The following GRM7 variants were observed in gnomAD, a reference collection of about 807,000 sequenced individuals.
The protein encoded by GRM7 is glutamate metabotropic receptor 7.
In GRM7, 35 loss-of-function variants were observed where a neutral mutation model predicts 84.5. The observed-to-expected ratio is 0.41, with a 90% CI of 0.32 to 0.55. The LOEUF is 0.55. Among genes scored for constraint, GRM7 ranks in the 20% least tolerant of loss-of-function variants. The pLI, the probability that GRM7 is intolerant of heterozygous loss-of-function variation, is 0.19. For synonymous variants in GRM7, 487 were observed against 455.1 expected, an observed-to-expected ratio of 1.07 and a Z score of -0.89; for missense variants, 1,003 against 1,194.6, an observed-to-expected ratio of 0.84 and a Z score of 2.36.
intron 1 of GRM7, among the ~76,000 whole-genome samples, chr3:6,972,132 T>C (rs145492625): frequency 3.3e-5 from 5 of 152,290 alleles, no homozygotes; most frequent in African/African-American, 1.2e-4. Flanking sequence ...AGGGGATTTG[T>C]AGTGTCAGCA....
At chr3:7,141,085 A>C (rs1181200992) in intron 1 of GRM7, among the ~76,000 whole-genome samples, 1 of 152,092 alleles carries the variant, frequency 6.6e-6, no homozygotes, top group Admixed American at 6.6e-5. Flanking sequence ...CTCACTGTTC[A>C]GAAATAACAA....
chr3:7,483,890 A>G (rs1699225125), intron 7 of GRM7, among the ~76,000 whole-genome samples: 2 of 152,152 alleles, frequency 1.3e-5, no homozygotes, highest in Non-Finnish European at 2.9e-5. Context: ...TGTCAACTAA[A>G]GAGAAAACAC....
chr3:7,446,981 G>T (rs1267739705), intron 5 of GRM7, among the ~76,000 whole-genome samples: 1 of 141,494 alleles, frequency 7.1e-6, no homozygotes, highest in Non-Finnish European at 1.6e-5. Context: ...TTATTCTTGT[G>T]TAATGCAACT....
chr3:7,182,769 C>T (rs1280819058), intron 2 of GRM7, among the ~76,000 whole-genome samples: 1 of 152,032 alleles, frequency 6.6e-6, no homozygotes, highest in Non-Finnish European at 1.5e-5. Flanking sequence ...GGAAATCTTT[C>T]TTTGATGATT....
At chr3:7,101,049 G>A (rs1193842886) in intron 1 of GRM7, among the ~76,000 whole-genome samples, 1 of 151,708 alleles carries the variant, frequency 6.6e-6, no homozygotes, top group Non-Finnish European at 1.5e-5. Context: ...TGTGAATAAA[G>A]CCATTGTGAA....
intron 2 of GRM7, among the ~76,000 whole-genome samples, chr3:7,201,756 G>A (rs2125114258): frequency 6.7e-6 from 1 of 148,426 alleles, no homozygotes; most frequent in African/African-American, 2.6e-5. Flanking sequence ...TAATATCACA[G>A]CCAGAATTTT....
chr3:6,888,154 G>A, intron 1 of GRM7, among the ~76,000 whole-genome samples: 1 of 151,926 alleles, frequency 6.6e-6, no homozygotes. Context: ...TGAGTAGGTT[G>A]CGAAAATTTT....
At chr3:7,171,534 A>G (rs1189040723) in intron 2 of GRM7, among the ~76,000 whole-genome samples, 1 of 152,170 alleles carries the variant, frequency 6.6e-6, no homozygotes, top group Non-Finnish European at 1.5e-5. Flanking sequence ...TACTACAGCT[A>G]TAACTTTACT....
intron 2 of GRM7, among the ~76,000 whole-genome samples, chr3:7,159,283 T>C (rs1056384388): frequency 1.3e-5 from 2 of 152,182 alleles, no homozygotes; most frequent in Admixed American, 6.5e-5. Context: ...ACACGAAGAT[T>C]CAGGTGAAAT....
intron 4 of GRM7, among the ~76,000 whole-genome samples, chr3:7,340,333 G>A (rs942397884): frequency 4.6e-4 from 70 of 152,138 alleles, no homozygotes; most frequent in African/African-American, 1.6e-3. Flanking sequence ...AGTTCCGCAT[G>A]GCCAGTGAGG....
chr3:6,872,695 T>C (rs1695166977), intron 1 of GRM7, among the ~76,000 whole-genome samples: 3 of 152,210 alleles, frequency 2.0e-5, no homozygotes, highest in East Asian at 1.9e-4. Flanking sequence ...CTCCCACTTA[T>C]GAGTGAGAAC....
intron 3 of GRM7, among the ~76,000 whole-genome samples, chr3:7,302,465 ACTTT>A (rs1191567765): frequency 2.6e-5 from 4 of 152,082 alleles, no homozygotes; most frequent in African/African-American, 9.7e-5. Context: ...ATCAGTTTTT[ACTTT>A]CTTTTCCTGT....
chr3:7,437,751 A>G (rs577461814), intron 5 of GRM7, among the ~76,000 whole-genome samples: 4 of 152,086 alleles, frequency 2.6e-5, no homozygotes, highest in South Asian at 4.2e-4. Flanking sequence ...GCCTCTCTCA[A>G]CAGCCATAAT....
At chr3:7,250,451 T>TTA (rs1328042793) in intron 2 of GRM7, among the ~76,000 whole-genome samples, 59 of 151,766 alleles carry the variant, frequency 3.9e-4, no homozygotes, top group African/African-American at 7.0e-4. Flanking sequence ...TTTATTGCTA[T>TTA]TATATATATA....
chr3:7,202,408 G>A (rs1177097997), intron 2 of GRM7, among the ~76,000 whole-genome samples: 2 of 152,102 alleles, frequency 1.3e-5, no homozygotes, highest in African/African-American at 4.8e-5. Flanking sequence ...TCGGCTTACT[G>A]CAACCTCTGC....
intron 1 of GRM7, among the ~76,000 whole-genome samples, chr3:6,902,852 C>A (rs1402750262): frequency 1.3e-5 from 1 of 75,186 alleles, no homozygotes; most frequent in Non-Finnish European, 2.6e-5. Context: ...CAGACTCCTA[C>A]ACACACACAC....
chr3:7,229,757 ATATT>A (rs1559514746), intron 2 of GRM7, among the ~76,000 whole-genome samples: 32 of 26,860 alleles, frequency 1.2e-3, no homozygotes, highest in Admixed American at 0.011. Context: ...ATATATATAT[ATATT>A]TTTTTTTTTT....
intron 4 of GRM7, among the ~76,000 whole-genome samples, chr3:7,326,702 C>T (rs1209706413): frequency 1.3e-5 from 2 of 151,756 alleles, no homozygotes; most frequent in Non-Finnish European, 2.9e-5. Context: ...ATAAAATTAG[C>T]CAGGTGTGGT....
At chr3:7,274,358 T>C (rs1036980133) in intron 2 of GRM7, among the ~76,000 whole-genome samples, 3 of 152,060 alleles carry the variant, frequency 2.0e-5, no homozygotes, top group Non-Finnish European at 4.4e-5. Context: ...TGATCTTTTT[T>C]CCTCCATGTA....
Sources: gnomAD v4.1 joint callset for allele counts (sites outside exome capture counted in the v4.1 genomes callset) on GRCh38, gnomAD v4.1.1 for gene constraint, MANE v1.5 for transcripts, NCBI Gene and HGNC (gene_info 2026-07-23, HGNC 2026-07-21) for gene names.